Variants in WDPCP observed in about 807,000 individuals in gnomAD.
WDPCP encodes the protein WD repeat-containing and planar cell polarity effector protein fritz homolog.
Under a neutral mutation model 93.1 loss-of-function variants are expected in WDPCP, and 71 were observed. The ratio of observed to expected loss-of-function variants is 0.76; its 90% CI spans 0.63 to 0.93. WDPCP has a LOEUF of 0.93. Ranked by LOEUF, WDPCP falls within the 40% of genes least tolerant of loss-of-function variation. The probability of loss-of-function intolerance (pLI) is 0.00; values close to 1 mark genes in which losing one functional copy is unlikely to be tolerated. For synonymous variants in WDPCP, 315 were observed against 315.0 expected (o/e 1.00, Z 0.00); for missense variants, 844 against 887.4 (o/e 0.95, Z 0.62).
chr2:63,522,124 G>T (rs1197457638), intron 1 of WDPCP, among the ~76,000 whole-genome samples: 9 of 151,866 alleles, frequency 5.9e-5, no homozygotes, highest in African/African-American at 2.2e-4. Context: ...ATGGTGGTTT[G>T]CTGCACCCAT....
chr2:63,545,500 T>C (rs1705086623), intron 1 of WDPCP, among the ~76,000 whole-genome samples: 1 of 152,124 alleles, frequency 6.6e-6, no homozygotes, highest in Non-Finnish European at 1.5e-5. Flanking sequence ...ATAGTGTCTA[T>C]TACCCTCTGT....
intron 2 of WDPCP, among the ~76,000 whole-genome samples, chr2:63,783,494 G>A (rs1226417265): frequency 1.3e-5 from 2 of 151,870 alleles, no homozygotes; most frequent in East Asian, 1.9e-4. Flanking sequence ...AGCTCTATTC[G>A]CAACAGCAAA....
In WDPCP at chr2:63,120,242, G is replaced by A. The variant is rs187646600; in HGVS notation, c.*1764C>T. The stretch of plus-strand genomic sequence containing the variant: ...TTTGATTATCTGTGTGATAAAGAAG[G>A]TTGGGAATAGGAGAATGAAAATTTG... On this transcript the variant is annotated 3_prime_UTR_variant, in exon 18 of 18. Transcript: ENST00000272321. Among the ~76,000 whole-genome samples the A allele has an allele frequency of 2.0e-5, 3 of 152,212 alleles. No homozygotes were observed. Among genetic ancestry groups the A allele is most frequent in the Admixed American group, 6.5e-5 (1 of 15,298 alleles).
chr2:63,545,880 T>C (rs1705120479), intron 1 of WDPCP, among the ~76,000 whole-genome samples: 1 of 150,696 alleles, frequency 6.6e-6, no homozygotes, highest in Non-Finnish European at 1.5e-5. Flanking sequence ...AAAAAAGTAC[T>C]GTGAAATGTG....
intron 14 of WDPCP, among the ~76,000 whole-genome samples, chr2:63,254,732 C>G (rs925320589): frequency 6.6e-6 from 1 of 151,998 alleles, no homozygotes; most frequent in Non-Finnish European, 1.5e-5. Flanking sequence ...ATATAAAGAG[C>G]TGGATCATAA....
chr2:63,379,223 A>AAGTT (rs1692103583), intron 11 of WDPCP, among the ~76,000 whole-genome samples: 1 of 152,106 alleles, frequency 6.6e-6, no homozygotes, highest in Admixed American at 6.6e-5. Flanking sequence ...AAATACCTGG[A>AAGTT]AGTTAAGTAA....
intron 12 of WDPCP, among the ~76,000 whole-genome samples, chr2:63,335,096 CG>C (rs1464754783): frequency 6.6e-6 from 1 of 152,140 alleles, no homozygotes; most frequent in Non-Finnish European, 1.5e-5. Flanking sequence ...GAGCTAGATG[CG>C]TAAGTGACTA....
At chr2:63,777,043 T>G (rs1670314821) in intron 2 of WDPCP, among the ~76,000 whole-genome samples, 1 of 152,154 alleles carries the variant, frequency 6.6e-6, no homozygotes, top group Non-Finnish European at 1.5e-5. Flanking sequence ...ATTGTATATC[T>G]CAAAATAGCT....
chr2:63,463,342 C>T (rs1160960856), intron 6 of WDPCP, among the ~76,000 whole-genome samples: 4 of 151,718 alleles, frequency 2.6e-5, no homozygotes, highest in Non-Finnish European at 5.9e-5. Flanking sequence ...GCTGAGTAAG[C>T]AAGAAGGAAA....
Position 63,404,221 on chromosome 2 carries a change from A to G in WDPCP, c.1262T>C (p.Leu421Ser). Residue 421 changes from leucine to serine, a missense_variant, in exon 10 of 18, where the codon TTA (leucine) becomes TCA (serine). Coordinates refer to ENST00000272321, the MANE Select transcript of WDPCP (RefSeq NM_015910.7). ...ACTGAATTGCAGAGTCTCCCTGGGT[A>G]AGCGGTCTTCAGCCAACAGTTGGAT... ...INIQLLAEDR[L>S]PRETLQFSKL... 1 of 1,613,834 alleles carries G rather than the reference A, an allele frequency of 6.2e-7. No homozygotes were observed. Among genetic ancestry groups the G allele is most frequent in the Non-Finnish European group, 8.5e-7 (1 of 1,179,800 alleles).
At chr2:63,547,746 GA>G (rs398060231) in intron 1 of WDPCP, among the ~76,000 whole-genome samples, 3,513 of 113,610 alleles carry the variant, frequency 0.031, 50 homozygotes, top group Middle Eastern at 0.052. Context: ...GGTAGAAAAA[GA>G]AAAAAAAAAA....
chr2:63,812,740 T>C (rs140561573), intron 2 of WDPCP, among the ~76,000 whole-genome samples: 138 of 152,298 alleles, frequency 9.1e-4, no homozygotes, highest in African/African-American at 3.1e-3. Flanking sequence ...AAATTTGTGG[T>C]AATTTGTTAC....
At chr2:63,345,691 C>G (rs1164604774) in intron 12 of WDPCP, among the ~76,000 whole-genome samples, 1 of 152,128 alleles carries the variant, frequency 6.6e-6, no homozygotes, top group African/African-American at 2.4e-5. Flanking sequence ...AGTCAGGGAA[C>G]TGCTTAGTAA....
chr2:63,832,081 G>A (rs1671210684), upstream of WDPCP, among the ~76,000 whole-genome samples: 1 of 152,246 alleles, frequency 6.6e-6, no homozygotes, highest in Non-Finnish European at 1.5e-5. Flanking sequence ...GCTTATCTGG[G>A]TGATTCTTCT....
chr2:63,139,177 ACAC>A (rs1447315635), intron 17 of WDPCP, among the ~76,000 whole-genome samples: 1 of 151,594 alleles, frequency 6.6e-6, no homozygotes, highest in Non-Finnish European at 1.5e-5. Flanking sequence ...GTATACACAC[ACAC>A]ACACACACAC....
intron 8 of WDPCP, 71 bp from the exon 9 acceptor site, chr2:63,434,007 ATT>A: frequency 6.8e-7 from 1 of 1,477,610 alleles, no homozygotes. Context: ...TATTACAAAA[ATT>A]AAAGCATCTG....
chr2:63,196,601 G>T (rs1396011695), intron 14 of WDPCP, among the ~76,000 whole-genome samples: 1 of 152,120 alleles, frequency 6.6e-6, no homozygotes, highest in Non-Finnish European at 1.5e-5. Flanking sequence ...GATAATTTTA[G>T]ACAGGTGTTT....
At chr2:63,611,185 C>T (rs1709610005) in intron 3 of WDPCP, among the ~76,000 whole-genome samples, 4 of 152,172 alleles carry the variant, frequency 2.6e-5, no homozygotes, top group African/African-American at 9.7e-5. Flanking sequence ...ATGGATATAC[C>T]AAACTTTATT....
At chr2:63,304,525 T>C (rs2103808794) in intron 13 of WDPCP, among the ~76,000 whole-genome samples, 1 of 152,214 alleles carries the variant, frequency 6.6e-6, no homozygotes, top group South Asian at 2.1e-4. Flanking sequence ...TGAGGGACTG[T>C]GCTGTGAGGG....
Sources: gnomAD v4.1 joint callset for allele counts (sites outside exome capture counted in the v4.1 genomes callset) on GRCh38, gnomAD v4.1.1 for gene constraint, MANE v1.5 for transcripts, NCBI Gene and HGNC (gene_info 2026-07-23, HGNC 2026-07-21) for gene names.